The following FHAD1 variants were observed in gnomAD, a reference collection of about 807,000 sequenced individuals.
FHAD1 encodes forkhead associated phosphopeptide binding domain 1.
A neutral mutation model predicts 191.3 loss-of-function variants in FHAD1; 146 were observed. That is an observed-to-expected ratio of 0.76 (90% CI 0.67 to 0.88). The LOEUF is 0.88. Among genes scored for constraint, FHAD1 ranks in the 40% least tolerant of loss-of-function variants. The probability of loss-of-function intolerance (pLI) is 0.00; values close to 1 mark genes in which losing one functional copy is unlikely to be tolerated. For synonymous variants in FHAD1, 616 were observed against 672.3 expected (o/e 0.92, Z 1.29); for missense variants, 1,635 against 1,785.8 (o/e 0.92, Z 1.52).
In FHAD1 at chr1:15,330,651, C is replaced by T. The variant is rs140505116; in HGVS notation, c.1906+1110C>T. Among the ~76,000 whole-genome samples, 609 of 152,168 alleles carry T rather than the reference C, an allele frequency of 4.0e-3. 5 individuals carry two copies. The highest frequency in any genetic ancestry group is 0.013 in the African/African-American group (546 of 41,498). On this transcript the variant is annotated intron_variant, in intron 14 of 33. Coordinates refer to ENST00000688493, the MANE Select transcript of FHAD1 (RefSeq NM_001391957.1). ...AGAGCAGGGCATCTGCAGGATGCAT[C>T]GGAGTTGTTGCCAAAGAAAGGGGAG...
rs745465758 is a variant in FHAD1 at position 15,292,325 on chromosome 1, G to T, written c.568+2659G>T. ...ACCAGGCCTGGCTAATTTTTGTGGG[G>T]TTTTTTTTGTTTTGTTTTGTCTTTT... On this transcript the variant is annotated intron_variant, in intron 4 of 33. Coordinates refer to ENST00000688493, the MANE Select transcript of FHAD1 (RefSeq NM_001391957.1). Among the ~76,000 whole-genome samples the T allele has an allele frequency of 1.2e-3, 172 of 148,466 alleles. 1 individual carries two copies. Among genetic ancestry groups the T allele is most frequent in the Non-Finnish European group, 2.2e-3 (150 of 67,026 alleles).
At position 15,278,752 on chromosome 1, in the gene FHAD1, G is replaced by A. The variant is rs150935325; in HGVS notation, c.300+6223G>A. Among the ~76,000 whole-genome samples the A allele has an allele frequency of 6.7e-3, 1,014 of 152,130 alleles. 14 individuals are homozygous for A. The highest frequency in any genetic ancestry group is 0.022 in the African/African-American group (915 of 41,502). ...GCCTCCCAAAGTGCTGGGATTACCC[G>A]CCTTCATTACCTCTTTAAAACAGAA... On this transcript the variant is annotated intron_variant, in intron 3 of 33. Transcript: ENST00000688493.
At chr1:15,370,476 C>T (rs572946802) in intron 26 of FHAD1, among the ~76,000 whole-genome samples, 1 of 152,272 alleles carries the variant, frequency 6.6e-6, no homozygotes, top group South Asian at 2.1e-4. Flanking sequence ...TTGATGGACA[C>T]TTAGGTTATT....
At chr1:15,317,780 C>T (rs1674959347) in intron 9 of FHAD1, 44 bp from the exon 10 acceptor site, 1 of 1,404,554 alleles carries the variant, frequency 7.1e-7, no homozygotes, top group Admixed American at 2.0e-5. Context: ...GAAGGCAGCT[C>T]CTGCCCCCAT....
At chr1:15,291,057 T>G (rs138672439) in intron 4 of FHAD1, among the ~76,000 whole-genome samples, 1 of 151,904 alleles carries the variant, frequency 6.6e-6, no homozygotes, top group African/African-American at 2.4e-5. Flanking sequence ...TAAAAATAAT[T>G]TTACAGTGAC....
At chr1:15,352,457 C>T (rs1303872279) in intron 19 of FHAD1, among the ~76,000 whole-genome samples, 1 of 152,180 alleles carries the variant, frequency 6.6e-6, no homozygotes, top group East Asian at 1.9e-4. Context: ...TGGCATGGGT[C>T]TGCAGGGACA....
intron 3 of FHAD1, among the ~76,000 whole-genome samples, chr1:15,284,522 A>G (rs895097162): frequency 3.3e-5 from 5 of 151,252 alleles, no homozygotes; most frequent in Non-Finnish European, 5.9e-5. Context: ...AACATGACAG[A>G]TGCTCCAAGG....
intron 2 of FHAD1, among the ~76,000 whole-genome samples, chr1:15,259,907 G>A (rs111713449): frequency 2.7e-4 from 41 of 152,324 alleles, no homozygotes; most frequent in East Asian, 1.2e-3. Context: ...AAGAAACAGC[G>A]CACACAAAGA....
At chr1:15,373,350 A>G (rs1340064946) in intron 26 of FHAD1, among the ~76,000 whole-genome samples, 2 of 152,034 alleles carry the variant, frequency 1.3e-5, no homozygotes, top group Admixed American at 1.3e-4. Flanking sequence ...CTCTACCAAC[A>G]ACACACAAAA....
intron 3 of FHAD1, among the ~76,000 whole-genome samples, chr1:15,285,933 G>A (rs1048609949): frequency 1.1e-4 from 16 of 152,202 alleles, no homozygotes; most frequent in Non-Finnish European, 2.1e-4. Context: ...TGTGCTAAGT[G>A]AAATAAACCA....
chr1:15,354,762 G>A (rs908238300), intron 20 of FHAD1, among the ~76,000 whole-genome samples: 3 of 152,170 alleles, frequency 2.0e-5, no homozygotes, highest in African/African-American at 7.2e-5. Flanking sequence ...CCAGCTGGTT[G>A]TACAATTTAC....
In FHAD1 at chr1:15,392,395, G is replaced by A. The variant is rs569386886; in HGVS notation, c.4323+1132G>A. ...AAAATACAAAAAATTAGCTGGGCAT[G>A]GTGGCGGGCGCCTGTAGTCCCAGCT... On this transcript the variant is annotated intron_variant, in intron 33 of 33. Transcript: ENST00000688493. 2.1e-3 allele frequency among the ~76,000 whole-genome samples: 315 copies of A among 152,284 alleles called. 1 individual carries two copies. Among genetic ancestry groups the A allele is most frequent in the Non-Finnish European group, 3.8e-3 (257 of 68,020 alleles).
rs1780605 is a variant in FHAD1, at chr1:15,250,782, C to A, written c.-14-989C>A. On this transcript the variant is annotated intron_variant, in intron 1 of 33. Coordinates refer to ENST00000688493, the MANE Select transcript of FHAD1 (RefSeq NM_001391957.1). ...TGAGCCCAAGAGTTCAAGACTGCAG[C>A]GAGCTATGATTGTGCCACTGAACTC... 1.0e-3 allele frequency among the ~76,000 whole-genome samples: 153 copies of A among 151,074 alleles called. 2 individuals carry two copies. The highest frequency in any genetic ancestry group is 3.7e-3 in the African/African-American group (151 of 41,168).
At position 15,268,187 on chromosome 1, in the gene FHAD1, T is replaced by A. The variant is rs1006098177; in HGVS notation, c.94-4136T>A. On this transcript the variant is annotated intron_variant, in intron 2 of 33. Coordinates refer to ENST00000688493, the MANE Select transcript of FHAD1 (RefSeq NM_001391957.1). ...CAGTCCCCAGAGTGTGATGTTCCCC[T>A]TCCTGTGTCCATGTGTTCTCATTGT... Among the ~76,000 whole-genome samples, 122 of 135,936 alleles carry A rather than the reference T, an allele frequency of 9.0e-4. 2 individuals carry two copies. Among genetic ancestry groups the A allele is most frequent in the Middle Eastern group, 4.0e-3 (1 of 252 alleles). The allele number at this position is 135,936 out of a possible 152,430, so 89.2% of individuals were successfully genotyped here.
intron 2 of FHAD1, among the ~76,000 whole-genome samples, chr1:15,264,546 A>ATGTG (rs1207632506): frequency 3.2e-5 from 4 of 126,958 alleles, no homozygotes; most frequent in Admixed American, 7.9e-5. Flanking sequence ...TTATATGTAT[A>ATGTG]TATGTGTGTG....
chr1:15,365,481 ATTTTTT>A (rs71587751), intron 23 of FHAD1, among the ~76,000 whole-genome samples: 1 of 112,782 alleles, frequency 8.9e-6, no homozygotes, highest in Non-Finnish European at 1.7e-5. Flanking sequence ...TGCCTGGCTA[ATTTTTT>A]TTTTTTTTTT....
Position 15,358,209 on chromosome 1 carries a change from A to C in FHAD1, c.2662A>C (p.Ser888Arg). The C allele has an allele frequency of 1.3e-6, 2 of 1,541,516 alleles. No homozygotes were observed. The highest frequency in any genetic ancestry group is 2.1e-5 in the Admixed American group (1 of 47,322). The change falls in exon 21 of 34, where the codon AGT becomes CGT. Residue 888 changes from serine to arginine, a missense_variant. Coordinates refer to ENST00000688493, the MANE Select transcript of FHAD1 (RefSeq NM_001391957.1). ...GACTCAGAAAACAAAGGCAACTGAA[A>C]GTCTAAAAGCAGAGAGCCTCGCCTT... Reference protein sequence around the residue: ...EETQKTKATESLKAESLALKL... With the variant: ...EETQKTKATERLKAESLALKL...
chr1:15,394,700 G>A (rs1037747804), intron 33 of FHAD1, among the ~76,000 whole-genome samples: 1 of 152,158 alleles, frequency 6.6e-6, no homozygotes, highest in East Asian at 1.9e-4. Flanking sequence ...TCTGAGGAAG[G>A]CAGGATCGAT....
chr1:15,380,945 G>A (rs578011476), intron 29 of FHAD1, 149 bp downstream of exon 29: 634 of 655,332 alleles, frequency 9.7e-4, no homozygotes, highest in Non-Finnish European at 1.5e-3. Flanking sequence ...TCCCAGCATG[G>A]GTCAGGAATC....
Sources: gnomAD v4.1 joint callset for allele counts (sites outside exome capture counted in the v4.1 genomes callset) on GRCh38, gnomAD v4.1.1 for gene constraint, MANE v1.5 for transcripts, NCBI Gene and HGNC (gene_info 2026-07-23, HGNC 2026-07-21) for gene names.